The following MYRIP variants were observed in gnomAD, a reference collection of about 807,000 sequenced individuals.
MYRIP encodes the protein myosin VIIA and Rab interacting protein.
Under a neutral mutation model 98.0 loss-of-function variants are expected in MYRIP, and 49 were observed. That is an observed-to-expected ratio of 0.50 (90% CI 0.40 to 0.63). MYRIP has a LOEUF of 0.63. Ranked by LOEUF, MYRIP falls within the 30% of genes least tolerant of loss-of-function variation. The pLI, the probability that MYRIP is intolerant of heterozygous loss-of-function variation, is 0.00. For synonymous variants in MYRIP, 404 were observed against 409.5 expected (o/e 0.99, Z 0.16); for missense variants, 1,004 against 1,058.2 (o/e 0.95, Z 0.71).
Position 40,250,461 on chromosome 3 carries a change from G to A in MYRIP, c.2390G>A (p.Arg797Lys), listed in dbSNP as rs778723265. Residue 797 changes from arginine to lysine, a missense_variant, in exon 15 of 17, where the codon AGG becomes AAG. Around this residue, in one of 3 missense-constraint regions of MYRIP, gnomAD observed 108 missense variants for 111.1 expected, o/e 0.97. Transcript: ENST00000302541. ...RTQVQTIDTS[R>K]QQRRKLPAPP... ...TAGGTACAAACCATAGATACATCAA[G>A]GCAGCAAAGGAGGAAACTGCCTGCT... 2.5e-6 allele frequency: 4 copies of A among 1,614,070 alleles called. No homozygotes were observed. The African/African-American group carries it at 5.3e-5, about 22-fold the overall frequency.
intron 3 of MYRIP, among the ~76,000 whole-genome samples, chr3:40,058,252 A>T (rs771760486): frequency 1.3e-5 from 2 of 152,170 alleles, no homozygotes; most frequent in African/African-American, 2.4e-5. Flanking sequence ...CTTCTGAAAG[A>T]CTTCATAGGA....
chr3:40,118,017 A>G (rs920072349), intron 3 of MYRIP, among the ~76,000 whole-genome samples: 4 of 108,212 alleles, frequency 3.7e-5, no homozygotes, highest in Non-Finnish European at 8.6e-5. Flanking sequence ...ACTCCTACAA[A>G]TCCAAAACAA....
rs542055325 is a variant in MYRIP, at chr3:39,868,173, G to C, written c.-30-32614G>C. Among the ~76,000 whole-genome samples the C allele has an allele frequency of 3.9e-5, 6 of 152,296 alleles. No homozygotes were observed. The South Asian group carries it at 1.2e-3, about 32-fold the overall frequency. The stretch of plus-strand genomic sequence containing the variant: ...TCACAGAGGATGGTACCTAAGCATG[G>C]GAGGTAGAAAGCAATGGCTCTGTCC... On this transcript the variant is annotated intron_variant, in intron 1 of 16. Transcript: ENST00000302541.
chr3:40,110,952 C>T (rs1397905956), intron 3 of MYRIP, among the ~76,000 whole-genome samples: 3 of 150,072 alleles, frequency 2.0e-5, no homozygotes, highest in Non-Finnish European at 4.4e-5. Context: ...ATTTTGAATG[C>T]AAACAGATCA....
intron 12 of MYRIP, among the ~76,000 whole-genome samples, chr3:40,237,198 T>C (rs1288008141): frequency 1.3e-5 from 2 of 152,192 alleles, no homozygotes; most frequent in East Asian, 3.9e-4. Context: ...CTTTAAAAGT[T>C]GAAGACTCTC....
intron 2 of MYRIP, among the ~76,000 whole-genome samples, chr3:39,969,432 C>T (rs1481812276): frequency 3.5e-4 from 53 of 151,020 alleles, no homozygotes; most frequent in Non-Finnish European, 3.0e-5. Context: ...AGCTTTTGCC[C>T]ATTCAGTATA....
chr3:40,133,722 C>T (rs1949696963), intron 3 of MYRIP, among the ~76,000 whole-genome samples: 1 of 152,168 alleles, frequency 6.6e-6, no homozygotes, highest in Non-Finnish European at 1.5e-5. Context: ...GGGCAACAGA[C>T]TCTGTCTCCA....
chr3:39,955,492 C>T (rs936451853), intron 2 of MYRIP, among the ~76,000 whole-genome samples: 4 of 152,118 alleles, frequency 2.6e-5, no homozygotes, highest in Admixed American at 2.6e-4. Flanking sequence ...GATTCTGTCA[C>T]CACCAGGCCT....
At chr3:40,047,060 C>A (rs1341811661) in intron 3 of MYRIP, among the ~76,000 whole-genome samples, 2 of 152,162 alleles carry the variant, frequency 1.3e-5, no homozygotes, top group Admixed American at 6.6e-5. Flanking sequence ...AGTTGATGCA[C>A]CACCTCAGAA....
chr3:39,881,161 A>G (rs990999221), intron 1 of MYRIP, among the ~76,000 whole-genome samples: 5 of 152,030 alleles, frequency 3.3e-5, no homozygotes, highest in African/African-American at 9.7e-5. Flanking sequence ...CTTCTGACAT[A>G]CCTAGATATC....
At chr3:39,818,563 T>C (rs1269735502) in intron 1 of MYRIP, among the ~76,000 whole-genome samples, 1 of 152,220 alleles carries the variant, frequency 6.6e-6, no homozygotes, top group Non-Finnish European at 1.5e-5. Context: ...ATCATGTTCA[T>C]ATTTTTAACT....
At chr3:39,885,448 C>G (rs1575343429) in intron 1 of MYRIP, among the ~76,000 whole-genome samples, 1 of 152,026 alleles carries the variant, frequency 6.6e-6, no homozygotes, top group African/African-American at 2.4e-5. Context: ...TTCATTTCAA[C>G]TTTGGTGAAT....
At chr3:40,128,257 A>G (rs1182277789) in intron 3 of MYRIP, among the ~76,000 whole-genome samples, 2 of 152,118 alleles carry the variant, frequency 1.3e-5, no homozygotes, top group African/African-American at 4.8e-5. Context: ...TGACTTATGT[A>G]CAGAAACAGT....
At chr3:40,061,691 A>G (rs1948020195) in intron 3 of MYRIP, among the ~76,000 whole-genome samples, 1 of 152,124 alleles carries the variant, frequency 6.6e-6, no homozygotes, top group African/African-American at 2.4e-5. Flanking sequence ...ACTAATTTAC[A>G]CTCCCACCAA....
At chr3:39,933,588 G>A (rs1192631037) in intron 2 of MYRIP, among the ~76,000 whole-genome samples, 1 of 152,106 alleles carries the variant, frequency 6.6e-6, no homozygotes, top group African/African-American at 2.4e-5. Flanking sequence ...AAACTGTTAA[G>A]TAAAATTCCC....
At chr3:40,181,239 G>A (rs551120467) in intron 8 of MYRIP, among the ~76,000 whole-genome samples, 13 of 123,842 alleles carry the variant, frequency 1.0e-4, no homozygotes, top group Admixed American at 9.5e-4. Flanking sequence ...GCCCAGGCAC[G>A]GCTGACTCCT....
At chr3:39,957,374 A>T (rs1378288133) in intron 2 of MYRIP, among the ~76,000 whole-genome samples, 2 of 152,076 alleles carry the variant, frequency 1.3e-5, no homozygotes, top group Non-Finnish European at 2.9e-5. Flanking sequence ...CTGGCTCAAC[A>T]TATGCAAATC....
intron 12 of MYRIP, among the ~76,000 whole-genome samples, chr3:40,236,228 A>G (rs1952820633): frequency 6.6e-6 from 1 of 152,218 alleles, no homozygotes; most frequent in Non-Finnish European, 1.5e-5. Context: ...GCAATAGGCT[A>G]GGTGTGTAGT....
rs551350372 is a variant in MYRIP, at chr3:39,854,170, G to A, written c.-31+44254G>A. ...GTACTGGTATAAAATAGTATCAAAA[G>A]TGTTTAAAGTTAGGTAATGTGATCT... is the stretch of plus-strand genomic sequence containing the variant. On this transcript the variant is annotated intron_variant, in intron 1 of 16. Transcript: ENST00000302541. Among the ~76,000 whole-genome samples the A allele has an allele frequency of 7.2e-5, 11 of 152,224 alleles. No homozygotes were observed. The South Asian group carries it at 2.3e-3, about 32-fold the overall frequency.
Sources: allele counts gnomAD v4.1 joint callset (sites outside exome capture counted in the v4.1 genomes callset), GRCh38; gene constraint gnomAD v4.1.1; regional missense constraint gnomAD v4.1.1; transcripts MANE v1.5; gene names NCBI Gene and HGNC (gene_info 2026-07-23, HGNC 2026-07-21).